XPO6: variants seen among roughly 807,000 people sequenced by gnomAD.
The protein encoded by XPO6 is exportin 6.
A neutral mutation model predicts 130.0 loss-of-function variants in XPO6; 3 were observed. The observed-to-expected ratio is 0.02, with a 90% CI of 0.01 to 0.06. XPO6 has a LOEUF of 0.06. Among genes scored for constraint, XPO6 ranks in the 10% least tolerant of loss-of-function variants. The probability of loss-of-function intolerance (pLI) is 1.00; values close to 1 mark genes in which losing one functional copy is unlikely to be tolerated. For synonymous variants in XPO6, 524 were observed against 548.9 expected (o/e 0.95, Z 0.63); for missense variants, 970 against 1,393.0 (o/e 0.70, Z 4.83).
In XPO6 at chr16:28,101,704, C is replaced by A. The variant is rs751674793; in HGVS notation, c.3046-16G>T. 1 of 1,600,746 alleles carries A rather than the reference C, an allele frequency of 6.2e-7. No individual in the cohort carries two copies. The highest frequency in any genetic ancestry group is 1.1e-5 in the South Asian group (1 of 89,776). On this transcript the variant is annotated splice_polypyrimidine_tract_variant and intron_variant, in intron 22 of 23. Coordinates refer to ENST00000304658, the MANE Select transcript of XPO6 (RefSeq NM_015171.4). This position sits in a 1 kb window ranked among gnomAD's most constrained non-coding sequence, Gnocchi z 5.4. ...GGAAGATCTTCTGCAGGCAGAGAGA[C>A]CAGGTGAGCAGCAGCCAGCCCCCAG...
rs1478061936 is a variant in XPO6 at position 28,105,778 on chromosome 16, A to G, written c.2784+265T>C. The G allele has an allele frequency of 9.0e-6, 4 of 442,572 alleles. No individual in the cohort carries two copies. In the East Asian group the frequency reaches 1.1e-4, roughly 12 times the overall value. The allele number at this position is 442,572 out of a possible 1,614,324, so 27.4% of individuals were successfully genotyped here. Reference sequence around the variant, plus strand: ...TAGAAAACCAGAGTCTCTTAAAGGTATAAAATTTGCCGCAGGAGACTGATC... The same window carrying G: ...TAGAAAACCAGAGTCTCTTAAAGGTGTAAAATTTGCCGCAGGAGACTGATC... On this transcript the variant is annotated intron_variant, in intron 20 of 23. Transcript: ENST00000304658.
intron 1 of XPO6, among the ~76,000 whole-genome samples, chr16:28,187,059 G>A (rs554754663): frequency 6.6e-6 from 1 of 152,224 alleles, no homozygotes; most frequent in South Asian, 2.1e-4. Context: ...GAAGACCAAA[G>A]AGAAAACTAA....
At chr16:28,126,399 A>G (rs990597681) in intron 12 of XPO6, among the ~76,000 whole-genome samples, 2 of 152,188 alleles carry the variant, frequency 1.3e-5, no homozygotes, top group Admixed American at 6.5e-5. Context: ...GAGGTGACAC[A>G]GTATGAAATA....
chr16:28,127,823 C>G (rs1410358122), intron 12 of XPO6, among the ~76,000 whole-genome samples: 2 of 152,214 alleles, frequency 1.3e-5, no homozygotes, highest in East Asian at 3.8e-4. Flanking sequence ...GGACCTCAGA[C>G]AGAGAGGGCC....
intron 1 of XPO6, among the ~76,000 whole-genome samples, chr16:28,201,216 T>C (rs1293396121): frequency 6.6e-6 from 1 of 152,162 alleles, no homozygotes; most frequent in Admixed American, 6.5e-5. Flanking sequence ...AGCTTGCTGG[T>C]TGCATGGATT....
chr16:28,209,740 T>C (rs1157907637), intron 1 of XPO6, among the ~76,000 whole-genome samples: 1 of 152,086 alleles, frequency 6.6e-6, no homozygotes, highest in Non-Finnish European at 1.5e-5. Flanking sequence ...TACCTCTAGA[T>C]TACTCTTTAG....
intron 21 of XPO6, among the ~76,000 whole-genome samples, chr16:28,103,418 G>A (rs1396038147): frequency 6.6e-6 from 1 of 152,186 alleles, no homozygotes; most frequent in Non-Finnish European, 1.5e-5. Context: ...TTCCAGCTTT[G>A]GCAATTATGA....
intron 1 of XPO6, among the ~76,000 whole-genome samples, chr16:28,183,831 G>A (rs1567643179): frequency 6.6e-6 from 1 of 152,082 alleles, no homozygotes; most frequent in Non-Finnish European, 1.5e-5. Flanking sequence ...GGGCTTTTCA[G>A]ACTAGATTTC....
intron 9 of XPO6, among the ~76,000 whole-genome samples, chr16:28,139,564 A>G (rs2042846939): frequency 6.6e-6 from 1 of 152,220 alleles, no homozygotes; most frequent in African/African-American, 2.4e-5. Flanking sequence ...GTACGTGTAT[A>G]AATTAGAACA....
At chr16:28,142,196 A>G (rs1163089724) in intron 9 of XPO6, among the ~76,000 whole-genome samples, 1 of 152,236 alleles carries the variant, frequency 6.6e-6, no homozygotes, top group East Asian at 1.9e-4. Flanking sequence ...ATGATTCCAG[A>G]ACATCCCAAC....
intron 1 of XPO6, among the ~76,000 whole-genome samples, chr16:28,189,645 G>C (rs1402537702): frequency 2.0e-5 from 3 of 152,186 alleles, no homozygotes; most frequent in Non-Finnish European, 4.4e-5. Flanking sequence ...TAACAGGACT[G>C]CTAAGGCTGG....
Position 28,111,902 on chromosome 16 carries a change from G to A in XPO6, c.2256C>T (p.Ala752=). Residue 752 remains alanine (A), a synonymous_variant, in exon 17 of 24, where the codon GCC becomes GCT. Transcript: ENST00000304658. The part of the protein sequence containing the change: ...QQWPVRSINH[A]SLISALSRDY... Reference sequence around the variant, plus strand: ...CCCGGGAGAGTGCAGAGATGAGGCTGGCGTGGTTGATGGAGCGCACGGGCC... The same window carrying A: ...CCCGGGAGAGTGCAGAGATGAGGCTAGCGTGGTTGATGGAGCGCACGGGCC... 7 of 1,614,188 alleles carry A rather than the reference G, an allele frequency of 4.3e-6. No individual in the cohort carries two copies. Among genetic ancestry groups the A allele is most frequent in the Non-Finnish European group, 5.9e-6 (7 of 1,180,026 alleles).
intron 9 of XPO6, among the ~76,000 whole-genome samples, chr16:28,137,342 T>A (rs1388436326): frequency 6.6e-6 from 1 of 152,260 alleles, no homozygotes; most frequent in Non-Finnish European, 1.5e-5. Flanking sequence ...CCTGTACTTA[T>A]CAACTGTGTT....
chr16:28,176,499 ATT>A (rs879328103), intron 3 of XPO6, among the ~76,000 whole-genome samples: 8 of 143,666 alleles, frequency 5.6e-5, no homozygotes, highest in Non-Finnish European at 4.6e-5. Context: ...TTACAATTAG[ATT>A]TTTTTTTTTT....
At chr16:28,160,541 A>C (rs903179430) in intron 6 of XPO6, among the ~76,000 whole-genome samples, 2 of 151,738 alleles carry the variant, frequency 1.3e-5, no homozygotes, top group African/African-American at 4.9e-5. Context: ...CTAAAATTTA[A>C]ATGTTATTAA....
intron 21 of XPO6, among the ~76,000 whole-genome samples, chr16:28,104,107 G>C (rs1387000165): frequency 6.6e-6 from 1 of 152,188 alleles, no homozygotes; most frequent in Non-Finnish European, 1.5e-5. Context: ...GAAAGCGAAT[G>C]CTCCCTCCCA....
rs1458528534 is a variant in XPO6, at chr16:28,177,251, T to C, written c.176A>G (p.Tyr59Cys). The C allele has an allele frequency of 1.3e-5, 21 of 1,611,642 alleles. No individual in the cohort carries two copies. The highest frequency in any genetic ancestry group is 1.7e-5 in the Non-Finnish European group (20 of 1,179,320). ...LYFLSSTRND[Y>C]VMMYSLTVFE... ...AACTGTTAAACTGTACATCATTACA[T>C]AGTCATTCCTAGTGCTGGAGAGAAA... Residue 59 changes from tyrosine (Y) to cysteine (C), a missense_variant, in exon 3 of 24, where the codon TAT becomes TGT. By Grantham distance (194) the Tyr-to-Cys change is radical (BLOSUM62 -2). Coordinates refer to ENST00000304658, the MANE Select transcript of XPO6 (RefSeq NM_015171.4).
At chr16:28,171,449 T>C (rs1371199418) in intron 4 of XPO6, among the ~76,000 whole-genome samples, 16 of 119,630 alleles carry the variant, frequency 1.3e-4, no homozygotes, top group African/African-American at 5.5e-4. Flanking sequence ...CAAGACTCTG[T>C]CTCAAAAAAA....
intron 8 of XPO6, among the ~76,000 whole-genome samples, chr16:28,150,317 A>T (rs2043063569): frequency 6.6e-6 from 1 of 152,182 alleles, no homozygotes; most frequent in Non-Finnish European, 1.5e-5. Flanking sequence ...CTTCATGAGC[A>T]TACTTTTTCC....
Sources: allele counts gnomAD v4.1 joint callset (sites outside exome capture counted in the v4.1 genomes callset), GRCh38; gene constraint gnomAD v4.1.1; non-coding constraint Gnocchi (gnomAD v3.1); transcripts MANE v1.5; gene names NCBI Gene and HGNC (gene_info 2026-07-23, HGNC 2026-07-21).